NBAS: variants seen among roughly 807,000 people sequenced by gnomAD.
NBAS encodes the protein NBAS subunit of NRZ tethering complex, also known as NAG/BC035112 fusion.
A neutral mutation model predicts 302.5 loss-of-function variants in NBAS; 219 were observed. That is an observed-to-expected ratio of 0.72 (90% CI 0.65 to 0.81). The LOEUF (loss-of-function observed/expected upper bound fraction) is 0.81. Ranked by LOEUF, NBAS falls within the 30% of genes least tolerant of loss-of-function variation. The pLI is 0.00. For synonymous variants in NBAS, 1,118 were observed against 1,021.6 expected (o/e 1.09, Z -1.80); for missense variants, 2,932 against 2,841.6 (o/e 1.03, Z -0.72).
intron 6 of NBAS, among the ~76,000 whole-genome samples, chr2:15,542,965 A>C (rs961905323): frequency 6.6e-6 from 1 of 152,238 alleles, no homozygotes; most frequent in African/African-American, 2.4e-5. Flanking sequence ...TTTCATTACA[A>C]GGTAAGATTT....
intron 11 of NBAS, among the ~76,000 whole-genome samples, chr2:15,497,892 G>C (rs1681127713): frequency 1.3e-5 from 2 of 152,082 alleles, no homozygotes; most frequent in Admixed American, 1.3e-4. Context: ...ATATTTCCTT[G>C]TATTTTACTA....
At chr2:14,965,495 T>C in the NBAS span, among the ~76,000 whole-genome samples, 10 of 152,188 alleles carry the variant, frequency 6.6e-5, no homozygotes. Flanking sequence ...ATAAATTAAA[T>C]GGCTCAATAT....
intron 50 of NBAS, among the ~76,000 whole-genome samples, chr2:15,185,383 A>G (rs1028178301): frequency 6.6e-6 from 1 of 152,240 alleles, no homozygotes; most frequent in African/African-American, 2.4e-5. Flanking sequence ...CAGAACTGAC[A>G]GCAGAACACT....
At chr2:15,527,770 G>T (rs1404835252) in intron 9 of NBAS, among the ~76,000 whole-genome samples, 4 of 152,136 alleles carry the variant, frequency 2.6e-5, no homozygotes, top group Admixed American at 6.6e-5. Context: ...ATAAAATGTG[G>T]TGTATTTAAA....
chr2:15,161,144 C>T, the NBAS span, among the ~76,000 whole-genome samples: 1 of 152,138 alleles, frequency 6.6e-6, no homozygotes, highest in South Asian at 2.1e-4. Context: ...CTGACTCTCA[C>T]TCTTAGGGAC....
the NBAS span, among the ~76,000 whole-genome samples, chr2:15,109,122 C>T: frequency 1.3e-5 from 2 of 152,052 alleles, no homozygotes; most frequent in Non-Finnish European, 2.9e-5. Context: ...TTAGAAGGGT[C>T]ATGTTTATAT....
At chr2:15,486,202 C>A (rs1335703240) in intron 12 of NBAS, among the ~76,000 whole-genome samples, 2 of 152,218 alleles carry the variant, frequency 1.3e-5, no homozygotes, top group African/African-American at 4.8e-5. Flanking sequence ...ACTCATACAA[C>A]ATCCTTGGTA....
chr2:15,377,365 A>G (rs1322729006), intron 30 of NBAS, among the ~76,000 whole-genome samples: 1 of 152,194 alleles, frequency 6.6e-6, no homozygotes, highest in Non-Finnish European at 1.5e-5. Flanking sequence ...TGGAAAATAA[A>G]CTGGTGCCAC....
the NBAS span, among the ~76,000 whole-genome samples, chr2:15,108,887 G>A: frequency 3.9e-5 from 6 of 152,018 alleles, no homozygotes; most frequent in East Asian, 3.9e-4. Context: ...GTTGACCAAG[G>A]CAATCCAATC....
chr2:15,110,990 C>T, the NBAS span, among the ~76,000 whole-genome samples: 1 of 152,002 alleles, frequency 6.6e-6, no homozygotes, highest in Non-Finnish European at 1.5e-5. Context: ...GGGGGAGATA[C>T]ATCTATAAGA....
intron 44 of NBAS, among the ~76,000 whole-genome samples, chr2:15,239,772 C>G (rs1304869458): frequency 6.6e-6 from 1 of 151,540 alleles, no homozygotes; most frequent in Non-Finnish European, 1.5e-5. Flanking sequence ...TCCAAAGATT[C>G]GAAACATCGT....
the NBAS span, among the ~76,000 whole-genome samples, chr2:15,057,477 G>T: frequency 6.6e-6 from 1 of 152,140 alleles, no homozygotes; most frequent in East Asian, 1.9e-4. Flanking sequence ...GGTGGTGTTT[G>T]GTTACATAAG....
Position 15,330,735 on chromosome 2 carries a change from C to A in NBAS, c.4210G>T (p.Ala1404Ser). ...DEVGVPGSNS[A>S]DLLRWTTATT... ...GCAGTGGTCCAGCGCAATAGGTCAG[C>A]TGAATTGCTACCTGGAACACCTACT... is the stretch of plus-strand genomic sequence containing the variant. The change falls in exon 36 of 52, where the codon GCT becomes TCT. Residue 1404 changes from alanine (A) to serine (S), a missense_variant. Transcript: ENST00000281513. The A allele has an allele frequency of 6.2e-7, 1 of 1,613,966 alleles. No homozygotes were observed. Among genetic ancestry groups the A allele is most frequent in the Non-Finnish European group, 8.5e-7 (1 of 1,179,936 alleles).
the NBAS span, among the ~76,000 whole-genome samples, chr2:14,921,321 G>T: frequency 1.3e-5 from 2 of 152,088 alleles, no homozygotes; most frequent in Non-Finnish European, 2.9e-5. Context: ...CATCAAAGAT[G>T]ACTGATCACA....
the NBAS span, among the ~76,000 whole-genome samples, chr2:14,851,178 G>A: frequency 2.8e-4 from 37 of 132,888 alleles, 5 homozygotes; most frequent in African/African-American, 1.3e-3. Context: ...TTGATAGACT[G>A]CTAGCAAGAC....
chr2:15,478,669 TC>T (rs896133267), intron 12 of NBAS, among the ~76,000 whole-genome samples: 1 of 152,152 alleles, frequency 6.6e-6, no homozygotes, highest in African/African-American at 2.4e-5. Flanking sequence ...GAGCAACCCC[TC>T]CAGGCTTTAA....
chr2:15,383,542 G>T lies in NBAS; in HGVS notation c.3258-225C>A, dbSNP rs143980146. Among the ~76,000 whole-genome samples, 3 of 152,300 alleles carry T rather than the reference G, an allele frequency of 2.0e-5. No individual in the cohort carries two copies. In the East Asian group the frequency reaches 5.8e-4, roughly 29 times the overall value. ...CAGCTATGCATCACTGCTAGAGATG[G>T]TGACAAAGTGGTCTGTCATAGCCTG... On this transcript the variant is annotated intron_variant, in intron 28 of 51. Coordinates refer to ENST00000281513, the MANE Select transcript of NBAS (RefSeq NM_015909.4).
chr2:15,218,815 AAAGAAC>A lies in NBAS; in HGVS notation c.6384_6389del (p.Phe2129_Phe2130del), dbSNP rs1666775761. On this transcript the variant is annotated inframe_deletion, in exon 48 of 52. Coordinates refer to ENST00000281513, the MANE Select transcript of NBAS (RefSeq NM_015909.4). Reference sequence around the variant, plus strand: ...AGGCTTTGAGAATGGCTTCAGTTCTAAAGAACACGAGGAGCTTGCTGTCCTCCTCAG... The same window carrying A: ...AGGCTTTGAGAATGGCTTCAGTTCTAACGAGGAGCTTGCTGTCCTCCTCAG... The A allele has an allele frequency of 6.2e-7, 1 of 1,614,228 alleles. No individual in the cohort carries two copies.
chr2:15,302,166 C>T (rs1411089773), intron 40 of NBAS, among the ~76,000 whole-genome samples: 1 of 152,192 alleles, frequency 6.6e-6, no homozygotes, highest in Non-Finnish European at 1.5e-5. Context: ...CACCCACTCA[C>T]TGGTGATGTA....
Sources: allele counts gnomAD v4.1 joint callset (sites outside exome capture counted in the v4.1 genomes callset), GRCh38; gene constraint gnomAD v4.1.1; transcripts MANE v1.5; gene names NCBI Gene and HGNC (gene_info 2026-07-23, HGNC 2026-07-21).